Variants in AOX1 observed in about 807,000 individuals in gnomAD.
AOX1 encodes aldehyde oxidase 1.
AOX1 carries 153 observed loss-of-function variants against 169.5 expected under a neutral mutation model. The observed-to-expected ratio is 0.90, with a 90% confidence interval of 0.79 to 1.03. The LOEUF is 1.03. AOX1 is among the 50% of genes least tolerant of loss of function. The pLI is 0.00. For synonymous variants in AOX1, 562 were observed against 581.9 expected (o/e 0.97, Z 0.49); for missense variants, 1,656 against 1,663.9 (o/e 1.00, Z 0.08).
intron 22 of AOX1, among the ~76,000 whole-genome samples, chr2:200,637,909 G>A (rs928757227): frequency 1.3e-5 from 2 of 152,038 alleles, no homozygotes; most frequent in African/African-American, 4.8e-5. Context: ...AAAGACCTTG[G>A]GACGATTTGC....
intron 12 of AOX1, among the ~76,000 whole-genome samples, chr2:200,610,579 A>G (rs1163646862): frequency 6.6e-6 from 1 of 152,220 alleles, no homozygotes; most frequent in Non-Finnish European, 1.5e-5. Flanking sequence ...TTGGAACAAG[A>G]TATAAAAAAG....
At chr2:200,609,247 C>T (rs2034580390) in intron 11 of AOX1, 74 bp from the exon 12 acceptor site, 4 of 1,591,158 alleles carry the variant, frequency 2.5e-6, no homozygotes, top group Non-Finnish European at 3.4e-6. Context: ...TTCTCCAAAG[C>T]CTTGCTTAAT....
chr2:200,656,343 T>C (rs2035683298), intron 26 of AOX1, among the ~76,000 whole-genome samples: 1 of 152,186 alleles, frequency 6.6e-6, no homozygotes, highest in African/African-American at 2.4e-5. Context: ...AGACTGGATG[T>C]TTCTGATTAT....
intron 1 of AOX1, among the ~76,000 whole-genome samples, chr2:200,589,070 C>G (rs1335755207): frequency 6.6e-6 from 1 of 152,058 alleles, no homozygotes; most frequent in African/African-American, 2.4e-5. Context: ...AAAAACTCAC[C>G]TTTGAAAAAG....
intron 12 of AOX1, among the ~76,000 whole-genome samples, chr2:200,609,689 T>A (rs2034594520): frequency 6.6e-6 from 1 of 152,184 alleles, no homozygotes; most frequent in Non-Finnish European, 1.5e-5. Flanking sequence ...CCGGATGTGA[T>A]CTGATTATTG....
At position 200,604,717 on chromosome 2, in the gene AOX1, C is replaced by A. The variant is rs2034479441; in HGVS notation, c.691C>A (p.Gln231Lys). 6.2e-7 allele frequency: 1 copy of A among 1,613,924 alleles called. No homozygotes were observed. Among genetic ancestry groups the A allele is most frequent in the Non-Finnish European group, 8.5e-7 (1 of 1,179,980 alleles). ...ELMIMAEKQSQRTRVFGSERM... is the reference protein window; with the variant it reads ...ELMIMAEKQSKRTRVFGSERM... ...ATAGATAATGGCTGAGAAACAGTCG[C>A]AAAGGACCAGGGTGTTTGGCAGTGA... is the stretch of plus-strand genomic sequence containing the variant. The change falls in exon 9 of 35, where the codon CAA becomes AAA. Residue 231 changes from glutamine (Q) to lysine (K), a missense_variant. Physicochemically the swap from Gln to Lys is moderately conservative, Grantham distance 53. Coordinates refer to ENST00000374700, the MANE Select transcript of AOX1 (RefSeq NM_001159.4).
chr2:200,650,958 T>A lies in AOX1; in HGVS notation c.2848-16T>A. On this transcript the variant is annotated splice_polypyrimidine_tract_variant and intron_variant, in intron 25 of 34. Transcript: ENST00000374700. ...TGGGTTTCCCCTCCCAGCTTTAATC[T>A]CCTTTTCTTTCATAGGTGCGAATCA... 4 of 1,612,462 alleles carry A rather than the reference T, an allele frequency of 2.5e-6. No homozygotes were observed. The highest frequency in any genetic ancestry group is 3.4e-6 in the Non-Finnish European group (4 of 1,178,688).
chr2:200,621,179 A>C lies in AOX1; in HGVS notation c.1934A>C (p.Glu645Ala), dbSNP rs2034879842. 1.2e-6 allele frequency: 2 copies of C among 1,614,054 alleles called. No individual in the cohort carries two copies. The highest frequency in any genetic ancestry group is 1.7e-6 in the Non-Finnish European group (2 of 1,180,024). ...GGTGTGGTGGACATCATGACAGCAGAACATCTTAGTGACGTCAACTCCTTC... is the reference window on the plus strand; with the variant it reads ...GGTGTGGTGGACATCATGACAGCAGCACATCTTAGTGACGTCAACTCCTTC... Reference protein sequence around the residue: ...MPGVVDIMTAEHLSDVNSFCF... With the variant: ...MPGVVDIMTAAHLSDVNSFCF... The change falls in exon 18 of 35, where the codon GAA becomes GCA. Residue 645 changes from glutamate (E) to alanine (A), a missense_variant. By Grantham distance (107) the Glu-to-Ala change is moderately radical (BLOSUM62 -1). Coordinates refer to ENST00000374700, the MANE Select transcript of AOX1 (RefSeq NM_001159.4).
intron 15 of AOX1, among the ~76,000 whole-genome samples, chr2:200,615,076 GC>G (rs2034724863): frequency 6.6e-6 from 1 of 151,926 alleles, no homozygotes; most frequent in Non-Finnish European, 1.5e-5. Context: ...TGATATCATA[GC>G]TCAGTGCAGC....
intron 18 of AOX1, among the ~76,000 whole-genome samples, chr2:200,622,548 CA>C (rs1202482462): frequency 6.6e-6 from 1 of 152,148 alleles, no homozygotes; most frequent in Non-Finnish European, 1.5e-5. Context: ...AGTTTGAACT[CA>C]AGGTTGAAAC....
intron 32 of AOX1, among the ~76,000 whole-genome samples, 178 bp from the exon 33 acceptor site, chr2:200,668,437 G>C (rs2035964248): frequency 3.9e-5 from 6 of 151,994 alleles, no homozygotes; most frequent in Admixed American, 3.9e-4. Context: ...ACTTAATGCT[G>C]AACAAACATG....
intron 20 of AOX1, among the ~76,000 whole-genome samples, chr2:200,630,189 T>C (rs2465658): frequency 0.81 from 113,778 of 140,974 alleles, 45,882 homozygotes; most frequent in East Asian, 0.98. Flanking sequence ...GCCCGGTCAA[T>C]GTAGCAAGAC....
intron 2 of AOX1, among the ~76,000 whole-genome samples, chr2:200,594,543 TGGA>T (rs1462726586): frequency 6.6e-6 from 1 of 152,190 alleles, no homozygotes; most frequent in African/African-American, 2.4e-5. Context: ...AGATGACTAA[TGGA>T]GGCCCAGCCC....
In AOX1 at chr2:200,587,906, G is replaced by GCATT. The variant is rs577916259; in HGVS notation, c.45+1756_45+1759dup. On this transcript the variant is annotated intron_variant, in intron 1 of 34. Transcript: ENST00000374700. ...CTTACTTCATAAAGAGTGATCATGA[G>GCATT]CATTCAATCCACTTATTTGTTAAGG... Among the ~76,000 whole-genome samples, 48 of 152,264 alleles carry GCATT rather than the reference G, an allele frequency of 3.2e-4. 1 individual carries two copies. The South Asian group carries it at 3.5e-3, about 11-fold the overall frequency.
chr2:200,614,358 T>C (rs948323724), intron 15 of AOX1, among the ~76,000 whole-genome samples: 1 of 152,222 alleles, frequency 6.6e-6, no homozygotes, highest in Admixed American at 6.5e-5. Flanking sequence ...TTCAGCTTCA[T>C]TTCCCTAGCC....
chr2:200,672,561 A>T (rs937251915), downstream of AOX1, among the ~76,000 whole-genome samples: 1 of 152,240 alleles, frequency 6.6e-6, no homozygotes, highest in African/African-American at 2.4e-5. Flanking sequence ...CAGGCACTGT[A>T]CTAGGCACTT....
At chr2:200,643,403 A>G (rs1461413445) in intron 25 of AOX1, among the ~76,000 whole-genome samples, 2 of 151,538 alleles carry the variant, frequency 1.3e-5, no homozygotes. Flanking sequence ...ACACACATAT[A>G]TATATATATA....
chr2:200,641,154 T>G lies in AOX1; in HGVS notation c.2625T>G (p.Asn875Lys), dbSNP rs2035344543. 6.2e-7 allele frequency: 1 copy of G among 1,613,172 alleles called. No homozygotes were observed. Among genetic ancestry groups the G allele is most frequent in the Non-Finnish European group, 8.5e-7 (1 of 1,179,328 alleles). ...CCCTGGACATGGAGCATTACAGCAA[T>G]GCAGGCGCCTCCTTGGATGAATCAT... ...ILALDMEHYS[N>K]AGASLDESLF... Residue 875 changes from asparagine (N) to lysine (K), a missense_variant, in exon 24 of 35, where the codon AAT (asparagine) becomes AAG (lysine). Coordinates refer to ENST00000374700, the MANE Select transcript of AOX1 (RefSeq NM_001159.4).
At chr2:200,636,831 T>C in intron 21 of AOX1, 80 bp from the exon 22 acceptor site, 2 of 1,510,854 alleles carry the variant, frequency 1.3e-6, no homozygotes, top group Non-Finnish European at 1.8e-6. Flanking sequence ...GTTGTTAAAA[T>C]CATAGATGTG....
Sources: allele counts gnomAD v4.1 joint callset (sites outside exome capture counted in the v4.1 genomes callset), GRCh38; gene constraint gnomAD v4.1.1; transcripts MANE v1.5; gene names NCBI Gene and HGNC (gene_info 2026-07-23, HGNC 2026-07-21).